NCKAP5: variants seen among roughly 807,000 people sequenced by gnomAD.
The protein encoded by NCKAP5 is NCK associated protein 5, also known as nck-associated protein 5.
NCKAP5 carries 92 observed loss-of-function variants against 167.0 expected under a neutral mutation model. That is an observed-to-expected ratio of 0.55 (90% confidence interval 0.47 to 0.66). The LOEUF (loss-of-function observed/expected upper bound fraction) is 0.66. Ranked by LOEUF, NCKAP5 falls within the 30% of genes least tolerant of loss-of-function variation. The probability of loss-of-function intolerance (pLI) is 0.00; values close to 1 mark genes in which losing one functional copy is unlikely to be tolerated. For synonymous variants in NCKAP5, 891 were observed against 877.4 expected, an observed-to-expected ratio of 1.02 and a Z score of -0.27; for missense variants, 2,378 against 2,315.0, an observed-to-expected ratio of 1.03 and a Z score of -0.56.
intron 8 of NCKAP5, among the ~76,000 whole-genome samples, chr2:132,901,124 T>G (rs913602155): frequency 6.6e-6 from 1 of 152,214 alleles, no homozygotes; most frequent in Non-Finnish European, 1.5e-5. Context: ...CGATCACTTG[T>G]TCTGACAGAT....
At chr2:133,032,652 T>A (rs1000616933) in intron 6 of NCKAP5, among the ~76,000 whole-genome samples, 1 of 152,158 alleles carries the variant, frequency 6.6e-6, no homozygotes, top group Admixed American at 6.5e-5. Context: ...ACAGCAGGTC[T>A]CGGGCGAGAC....
chr2:132,910,616 T>C, intron 8 of NCKAP5, among the ~76,000 whole-genome samples: 1 of 152,234 alleles, frequency 6.6e-6, no homozygotes, highest in Non-Finnish European at 1.5e-5. Flanking sequence ...TTTTCATGGC[T>C]GAATAGTACT....
intron 4 of NCKAP5, among the ~76,000 whole-genome samples, chr2:133,278,713 C>T (rs968433834): frequency 2.0e-5 from 3 of 148,414 alleles, no homozygotes; most frequent in East Asian, 2.0e-4. Flanking sequence ...AATTGAAAGA[C>T]GTCTGACAAA....
Position 133,064,680 on chromosome 2 carries a change from GGGT to G in NCKAP5, c.341+65295_341+65297del, listed in dbSNP as rs756797643. Among the ~76,000 whole-genome samples the G allele has an allele frequency of 2.6e-4, 40 of 152,258 alleles. No homozygotes were observed. In the Middle Eastern group the frequency reaches 0.014, roughly 52 times the overall value. On this transcript the variant is annotated intron_variant, in intron 6 of 19. Transcript: ENST00000409261. ...AAATGTTACTGTCCATCGTTGCTCT[GGGT>G]GGGGATACGCTTGGCATAAGGAATA...
the NCKAP5 span, among the ~76,000 whole-genome samples, chr2:133,595,413 C>T: frequency 6.6e-6 from 1 of 151,678 alleles, no homozygotes. Context: ...TTTGTTCCTC[C>T]TCCTCCCCAC....
chr2:133,422,237 T>C (rs1354420671), intron 3 of NCKAP5, among the ~76,000 whole-genome samples: 1 of 152,236 alleles, frequency 6.6e-6, no homozygotes, highest in Non-Finnish European at 1.5e-5. Context: ...ATGGCCTCTG[T>C]CCTCAAGGAG....
chr2:133,500,616 C>T (rs1682420789), intron 3 of NCKAP5, among the ~76,000 whole-genome samples: 1 of 152,144 alleles, frequency 6.6e-6, no homozygotes, highest in Non-Finnish European at 1.5e-5. Flanking sequence ...CAGCTTTGGG[C>T]AAAGTGGGGA....
At chr2:133,290,813 G>T (rs1574617809) in intron 4 of NCKAP5, among the ~76,000 whole-genome samples, 1 of 149,520 alleles carries the variant, frequency 6.7e-6, no homozygotes. Context: ...GAGTACAGTG[G>T]CAGGAACAAA....
At chr2:133,141,940 A>G (rs760971701) in intron 5 of NCKAP5, among the ~76,000 whole-genome samples, 14 of 152,178 alleles carry the variant, frequency 9.2e-5, no homozygotes, top group Non-Finnish European at 8.8e-5. Context: ...TAAAAACTCA[A>G]TGTGGAACTA....
At chr2:132,772,455 G>T (rs1451413431) in intron 16 of NCKAP5, among the ~76,000 whole-genome samples, 1 of 152,188 alleles carries the variant, frequency 6.6e-6, no homozygotes, top group South Asian at 2.1e-4. Flanking sequence ...AGAGATTCCT[G>T]TAGTTCTCTT....
intron 5 of NCKAP5, among the ~76,000 whole-genome samples, chr2:133,183,500 A>G (rs1321835398): frequency 6.6e-6 from 1 of 152,198 alleles, no homozygotes; most frequent in Non-Finnish European, 1.5e-5. Flanking sequence ...TGTGGGAAAA[A>G]GCATTTGACA....
At chr2:132,793,910 T>C (rs899221130) in intron 12 of NCKAP5, among the ~76,000 whole-genome samples, 1 of 152,094 alleles carries the variant, frequency 6.6e-6, no homozygotes, top group African/African-American at 2.4e-5. Context: ...GTGAGCTTTT[T>C]TTCCCCTACA....
chr2:133,366,775 A>G (rs1197537863), intron 3 of NCKAP5, among the ~76,000 whole-genome samples: 1 of 152,220 alleles, frequency 6.6e-6, no homozygotes, highest in Admixed American at 6.5e-5. Flanking sequence ...ACTTAAAGAG[A>G]CTTTAAAAGT....
chr2:133,266,827 G>A (rs1174464065), intron 4 of NCKAP5, among the ~76,000 whole-genome samples: 3 of 152,202 alleles, frequency 2.0e-5, no homozygotes, highest in Non-Finnish European at 4.4e-5. Flanking sequence ...GGTGGGCAGT[G>A]CCACTTTCCT....
At chr2:133,071,449 A>C in intron 6 of NCKAP5, among the ~76,000 whole-genome samples, 1 of 152,176 alleles carries the variant, frequency 6.6e-6, no homozygotes, top group Middle Eastern at 3.2e-3. Context: ...CGTCTCAAAA[A>C]ACAAAAAACA....
At chr2:133,096,884 T>C (rs1004004968) in intron 6 of NCKAP5, among the ~76,000 whole-genome samples, 2 of 152,212 alleles carry the variant, frequency 1.3e-5, no homozygotes, top group African/African-American at 4.8e-5. Context: ...AGTACAATAA[T>C]ATTTAGAACA....
chr2:133,673,872 G>A, the NCKAP5 span, among the ~76,000 whole-genome samples: 67,540 of 152,102 alleles, frequency 0.44, 16,432 homozygotes, highest in East Asian at 0.65. Context: ...GAGCCAGAAA[G>A]GGCCTACCGT....
chr2:133,561,582 C>T (rs1575161071), intron 1 of NCKAP5, among the ~76,000 whole-genome samples: 2 of 152,276 alleles, frequency 1.3e-5, no homozygotes, highest in Admixed American at 1.3e-4. Context: ...GTTATGATTG[C>T]TATTTACCAA....
intron 7 of NCKAP5, among the ~76,000 whole-genome samples, chr2:132,983,942 T>G (rs1458268361): frequency 6.6e-6 from 1 of 152,198 alleles, no homozygotes; most frequent in Non-Finnish European, 1.5e-5. Context: ...CCATGACCTG[T>G]AAGTCAAACT....
Sources: allele counts gnomAD v4.1 joint callset (sites outside exome capture counted in the v4.1 genomes callset), GRCh38; gene constraint gnomAD v4.1.1; transcripts MANE v1.5; gene names NCBI Gene and HGNC (gene_info 2026-07-23, HGNC 2026-07-21).